The following MICAL3 variants were observed in gnomAD, a reference collection of about 807,000 sequenced individuals.
MICAL3 encodes the protein [F-actin]-monooxygenase MICAL3.
A neutral mutation model predicts 207.4 loss-of-function variants in MICAL3; 62 were observed. That is an observed-to-expected ratio of 0.30 (90% CI 0.24 to 0.37). MICAL3 has a LOEUF of 0.37. Ranked by LOEUF, MICAL3 falls within the 10% of genes least tolerant of loss-of-function variation. The pLI, the probability that MICAL3 is intolerant of heterozygous loss-of-function variation, is 1.00. For synonymous variants in MICAL3, 1,077 were observed against 1,069.3 expected, an observed-to-expected ratio of 1.01 and a Z score of -0.14; for missense variants, 2,368 against 2,635.6, an observed-to-expected ratio of 0.90 and a Z score of 2.22.
At chr22:17,963,493 G>A (rs944367458) in intron 1 of MICAL3, among the ~76,000 whole-genome samples, 5 of 152,202 alleles carry the variant, frequency 3.3e-5, no homozygotes, top group African/African-American at 2.4e-5. Context: ...CAGGAGAGCT[G>A]TGAACACGTG....
chr22:17,852,742 A>G (rs573362417), intron 19 of MICAL3, among the ~76,000 whole-genome samples: 1 of 152,274 alleles, frequency 6.6e-6, no homozygotes, highest in East Asian at 1.9e-4. Context: ...CCTGGCTCCT[A>G]CTCACATTTC....
chr22:17,957,841 G>A (rs1934708500), intron 1 of MICAL3, among the ~76,000 whole-genome samples: 2 of 152,078 alleles, frequency 1.3e-5, no homozygotes, highest in South Asian at 2.1e-4. Flanking sequence ...CAGTCACAGG[G>A]AGCCTGGAGA....
chr22:17,976,577 A>T (rs1203302799), intron 1 of MICAL3, among the ~76,000 whole-genome samples: 21 of 91,754 alleles, frequency 2.3e-4, no homozygotes, highest in African/African-American at 6.4e-4. Context: ...ATATATATAT[A>T]TATATATATA....
rs1032364276 is a variant in MICAL3 at position 17,827,632 on chromosome 22, G to A, written c.3193+12C>T. 1 of 1,555,286 alleles carries A rather than the reference G, an allele frequency of 6.4e-7. No individual in the cohort carries two copies. Among genetic ancestry groups the A allele is most frequent in the South Asian group, 1.2e-5 (1 of 84,258 alleles). On this transcript the variant is annotated intron_variant, in intron 22 of 31. Coordinates refer to ENST00000441493, the MANE Select transcript of MICAL3 (RefSeq NM_015241.3). The stretch of plus-strand genomic sequence containing the variant: ...TCGGGGCACACTGCGGCCTGGGGCT[G>A]GGAGTGTTTACCTCCGGAAGCAGAG...
At chr22:17,912,283 T>C (rs1602205958) in intron 1 of MICAL3, among the ~76,000 whole-genome samples, 1 of 152,176 alleles carries the variant, frequency 6.6e-6, no homozygotes. Context: ...TCCTCCAGCT[T>C]TGGTCTCCTT....
chr22:17,884,433 A>G, intron 16 of MICAL3: 1 of 1,121,864 alleles, frequency 8.9e-7, no homozygotes, highest in African/African-American at 1.6e-5. Flanking sequence ...TTAAGGTGGG[A>G]GAAGAACAGA....
chr22:17,802,866 A>G (rs2061954018), intron 29 of MICAL3, among the ~76,000 whole-genome samples: 1 of 152,198 alleles, frequency 6.6e-6, no homozygotes, highest in African/African-American at 2.4e-5. Context: ...GAGGAGCCAC[A>G]GTCCCCAGGA....
At chr22:17,917,019 C>T (rs1932567262) in intron 1 of MICAL3, among the ~76,000 whole-genome samples, 1 of 152,124 alleles carries the variant, frequency 6.6e-6, no homozygotes, top group Admixed American at 6.5e-5. Context: ...CCCTTACTAC[C>T]GAGATATTGT....
chr22:17,979,342 C>A (rs1166003624), intron 1 of MICAL3, among the ~76,000 whole-genome samples: 1 of 151,966 alleles, frequency 6.6e-6, no homozygotes, highest in African/African-American at 2.4e-5. Context: ...GTCAGGAGTT[C>A]GAGACCAGCC....
chr22:17,962,746 C>T (rs539850047), intron 1 of MICAL3, among the ~76,000 whole-genome samples: 8 of 152,208 alleles, frequency 5.3e-5, no homozygotes, highest in African/African-American at 1.7e-4. Flanking sequence ...CTACACAGGG[C>T]GGCATAAAAA....
chr22:17,903,420 T>A (rs1200493859), intron 3 of MICAL3, among the ~76,000 whole-genome samples: 2 of 152,180 alleles, frequency 1.3e-5, no homozygotes, highest in Non-Finnish European at 1.5e-5. Flanking sequence ...GAGATAAAGA[T>A]CTAGGCCCTG....
chr22:17,793,334 T>A lies in MICAL3; in HGVS notation c.5651-2033A>T, dbSNP rs2061844315. 1.3e-5 allele frequency among the ~76,000 whole-genome samples: 2 copies of A among 152,214 alleles called. No homozygotes were observed. The highest frequency in any genetic ancestry group is 2.9e-5 in the Non-Finnish European group (2 of 68,022). ...TTGGAAAGGGGCCCGAGGGCACTGG[T>A]GTAGATCAGTCTTTGTAAGGACAGT... On this transcript the variant is annotated intron_variant, in intron 29 of 31. Coordinates refer to ENST00000441493, the MANE Select transcript of MICAL3 (RefSeq NM_015241.3). The surrounding 1 kb of genome is among the most constrained non-coding windows in gnomAD (Gnocchi z 4.1).
chr22:18,016,969 G>T (rs986937911), intron 1 of MICAL3, among the ~76,000 whole-genome samples: 3 of 151,854 alleles, frequency 2.0e-5, no homozygotes, highest in Admixed American at 6.6e-5. Flanking sequence ...TTTTCTTTCT[G>T]CAGTATTCAA....
In MICAL3 at chr22:17,887,312, C is replaced by A. The variant is rs200122985; in HGVS notation, c.2004+11G>T. 5.0e-6 allele frequency: 8 copies of A among 1,611,562 alleles called. No individual in the cohort carries two copies. Among genetic ancestry groups the A allele is most frequent in the Non-Finnish European group, 6.8e-6 (8 of 1,177,868 alleles). On this transcript the variant is annotated intron_variant, in intron 14 of 31. Coordinates refer to ENST00000441493, the MANE Select transcript of MICAL3 (RefSeq NM_015241.3). ...TAGCTTTGCAGCCCATCAAGAGACTCCTCCACATACCTTGGGAGAACGCTT... is the reference window on the plus strand; with the variant it reads ...TAGCTTTGCAGCCCATCAAGAGACTACTCCACATACCTTGGGAGAACGCTT...
At chr22:17,831,258 CTCA>C (rs1922776608) in intron 21 of MICAL3, among the ~76,000 whole-genome samples, 1 of 147,834 alleles carries the variant, frequency 6.8e-6, no homozygotes, top group Non-Finnish European at 1.5e-5. Context: ...CAAGTCCCTC[CTCA>C]TCACTTGAGG....
At chr22:17,800,946 AC>A (rs1297253635) in intron 29 of MICAL3, among the ~76,000 whole-genome samples, 8 of 152,172 alleles carry the variant, frequency 5.3e-5, no homozygotes, top group African/African-American at 1.9e-4. Flanking sequence ...CCTAAAGTCC[AC>A]AAGAGACTCC....
At chr22:17,815,055 G>A (rs921770716) in intron 27 of MICAL3, 1 of 152,268 alleles carries the variant, frequency 6.6e-6, no homozygotes, top group Non-Finnish European at 1.5e-5. Flanking sequence ...CTGTCCCCCA[G>A]GCTTGGCTTT....
At chr22:17,957,676 C>T (rs1461604960) in intron 1 of MICAL3, among the ~76,000 whole-genome samples, 8 of 144,386 alleles carry the variant, frequency 5.5e-5, no homozygotes. Context: ...AGCCACTGCA[C>T]TCCAACCTGG....
At chr22:17,982,464 A>C (rs769549180) in intron 1 of MICAL3, among the ~76,000 whole-genome samples, 1 of 152,188 alleles carries the variant, frequency 6.6e-6, no homozygotes, top group South Asian at 2.1e-4. Flanking sequence ...CGAGGAAAGG[A>C]GTTCAAGACC....
Sources: gnomAD v4.1 joint callset for allele counts (sites outside exome capture counted in the v4.1 genomes callset) on GRCh38, gnomAD v4.1.1 for gene constraint, Gnocchi (gnomAD v3.1) non-coding constraint, MANE v1.5 for transcripts, NCBI Gene and HGNC (gene_info 2026-07-23, HGNC 2026-07-21) for gene names.